NREP: variants seen among roughly 807,000 people sequenced by gnomAD.
NREP encodes the protein neuronal regeneration related protein, also known as neuronal regeneration-related protein.
NREP carries 5 observed loss-of-function variants against 8.6 expected under a neutral mutation model. That is an observed-to-expected ratio of 0.58 (90% confidence interval 0.30 to 1.22). The LOEUF is 1.22. Ranked by LOEUF, NREP falls within the 50% of genes most tolerant of loss-of-function variation. The pLI, the probability that NREP is intolerant of heterozygous loss-of-function variation, is 0.07. For missense variants in NREP, 86 were observed against 82.5 expected (o/e 1.04, Z -0.17); for synonymous variants, 27 against 28.0 (o/e 0.96, Z 0.11).
chr5:111,772,462 TG>T (rs1364397865), intron 2 of NREP, among the ~76,000 whole-genome samples: 3 of 152,198 alleles, frequency 2.0e-5, no homozygotes, highest in Non-Finnish European at 2.9e-5. Context: ...GATTACATTT[TG>T]ACCCAAGAAA....
chr5:111,874,017 A>C (rs1446942140), intron 2 of NREP, among the ~76,000 whole-genome samples: 1 of 143,572 alleles, frequency 7.0e-6, no homozygotes, highest in African/African-American at 2.5e-5. Flanking sequence ...AGGGTGAGTG[A>C]TTGTTATTCT....
At chr5:111,831,917 A>AT (rs1752777919) in intron 2 of NREP, among the ~76,000 whole-genome samples, 1 of 152,146 alleles carries the variant, frequency 6.6e-6, no homozygotes, top group South Asian at 2.1e-4. Context: ...CCCCCACAAG[A>AT]TAAAGGTCAC....
chr5:111,772,044 T>G (rs557364319), intron 2 of NREP, among the ~76,000 whole-genome samples: 1 of 152,210 alleles, frequency 6.6e-6, no homozygotes, highest in South Asian at 2.1e-4. Flanking sequence ...ATGAAGTTAT[T>G]AGGAATTCCA....
intron 2 of NREP, among the ~76,000 whole-genome samples, chr5:111,736,397 G>C (rs1000257148): frequency 2.6e-5 from 4 of 152,194 alleles, no homozygotes; most frequent in Non-Finnish European, 5.9e-5. Context: ...TGAAAGCAGA[G>C]TGAAATTAGG....
chr5:111,771,123 T>C (rs1751209049), intron 2 of NREP, among the ~76,000 whole-genome samples: 1 of 152,142 alleles, frequency 6.6e-6, no homozygotes, highest in Non-Finnish European at 1.5e-5. Context: ...TGATACTTTA[T>C]TTAGAAATAA....
chr5:111,949,044 CAAAT>C (rs1438208500), intron 2 of NREP: 1 of 152,014 alleles, frequency 6.6e-6, no homozygotes, highest in Non-Finnish European at 1.5e-5. Flanking sequence ...TAACTAAAGA[CAAAT>C]AAAGGAAAAA....
rs1754178625 is a variant in NREP, at chr5:111,884,371, TCA to T, written c.135+90901_135+90902del. Among the ~76,000 whole-genome samples the T allele has an allele frequency of 2.0e-5, 3 of 151,926 alleles. No homozygotes were observed. In the South Asian group the frequency reaches 6.3e-4, roughly 32 times the overall value. ...AAAAAGAGTCCAGGACCAGATGGAT[TCA>T]CAGCCGGATTCTACCAGAGGTACAA... On this transcript the variant is annotated intron_variant, in intron 2 of 3. Coordinates refer to the NREP transcript ENST00000395634.
intron 2 of NREP, among the ~76,000 whole-genome samples, chr5:111,787,960 G>C (rs1378782513): frequency 1.3e-5 from 2 of 152,026 alleles, no homozygotes; most frequent in Non-Finnish European, 2.9e-5. Flanking sequence ...TAGCTGGCCA[G>C]GGTGGTGCAC....
intron 3 of NREP, chr5:111,732,145 T>G (rs564297942): frequency 1.4e-4 from 22 of 152,280 alleles, no homozygotes; most frequent in African/African-American, 3.8e-4. Flanking sequence ...ATAAGCCAGT[T>G]TGACTAGATG....
chr5:111,836,139 C>A (rs1445973064), intron 2 of NREP, among the ~76,000 whole-genome samples: 1 of 152,100 alleles, frequency 6.6e-6, no homozygotes, highest in Non-Finnish European at 1.5e-5. Context: ...GACACTGATT[C>A]TCCTTTCAAA....
upstream of NREP, among the ~76,000 whole-genome samples, chr5:111,761,785 T>G (rs1416747158): frequency 6.6e-6 from 1 of 152,118 alleles, no homozygotes; most frequent in Admixed American, 6.6e-5. Flanking sequence ...AGCCAATCAG[T>G]GTATTGAATT....
chr5:111,747,069 T>G (rs1052393922), intron 2 of NREP, among the ~76,000 whole-genome samples: 10 of 152,138 alleles, frequency 6.6e-5, no homozygotes, highest in Non-Finnish European at 7.4e-5. Flanking sequence ...CAATGAGCCT[T>G]CTGGGTGGCT....
chr5:111,803,659 G>A (rs911953220), intron 2 of NREP, among the ~76,000 whole-genome samples: 5 of 152,076 alleles, frequency 3.3e-5, no homozygotes, highest in Non-Finnish European at 5.9e-5. Flanking sequence ...TTGTCACAAA[G>A]CAAGAATATT....
At position 111,883,203 on chromosome 5, in the gene NREP, A is replaced by G. The variant is rs1247526690; in HGVS notation, c.135+92071T>C. ...TAGTCTCTGATAAAACAGACTTTAA[A>G]CCAGCAAAGATCAAAAGAGACAAAG... On this transcript the variant is annotated intron_variant, in intron 2 of 3. Transcript: ENST00000395634. Among the ~76,000 whole-genome samples, 3 of 152,338 alleles carry G rather than the reference A, an allele frequency of 2.0e-5. No homozygotes were observed. In the East Asian group the frequency reaches 5.8e-4, roughly 29 times the overall value.
At chr5:111,942,642 TA>T (rs952292220) in intron 2 of NREP, among the ~76,000 whole-genome samples, 13 of 151,220 alleles carry the variant, frequency 8.6e-5, no homozygotes, top group African/African-American at 2.7e-4. Flanking sequence ...GCACTAGTTT[TA>T]AAAAAAAACA....
intron 2 of NREP, among the ~76,000 whole-genome samples, chr5:111,800,155 C>A (rs777233546): frequency 6.6e-6 from 1 of 151,462 alleles, no homozygotes; most frequent in Non-Finnish European, 1.5e-5. Flanking sequence ...ATCTCAAACT[C>A]CTGCCCTTGT....
At chr5:111,831,320 G>C (rs569140212) in intron 2 of NREP, among the ~76,000 whole-genome samples, 2 of 152,066 alleles carry the variant, frequency 1.3e-5, no homozygotes, top group African/African-American at 4.8e-5. Context: ...CACAGTTTCT[G>C]GTGTTAATTG....
At chr5:111,775,682 C>A (rs141173823) in intron 2 of NREP, among the ~76,000 whole-genome samples, 1 of 151,910 alleles carries the variant, frequency 6.6e-6, no homozygotes, top group East Asian at 1.9e-4. Flanking sequence ...GAAGGGTAGA[C>A]GAGGGCTTTG....
chr5:111,757,671 CT>C (rs1314743002), upstream of NREP: 22 of 983,660 alleles, frequency 2.2e-5, no homozygotes, highest in Admixed American at 6.2e-5. Flanking sequence ...GCCGTCCCCA[CT>C]GCACCGCGCG....
Sources: gnomAD v4.1 joint callset for allele counts (sites outside exome capture counted in the v4.1 genomes callset) on GRCh38, gnomAD v4.1.1 for gene constraint, MANE v1.5 for transcripts, NCBI Gene and HGNC (gene_info 2026-07-23, HGNC 2026-07-21) for gene names.